The following PCLO variants were observed in gnomAD, a reference collection of about 807,000 sequenced individuals.
The protein encoded by PCLO is protein piccolo.
PCLO carries 82 observed loss-of-function variants against 427.5 expected under a neutral mutation model. The ratio of observed to expected loss-of-function variants is 0.19; its 90% CI spans 0.16 to 0.23. PCLO has a LOEUF of 0.23. PCLO is among the 10% of genes least tolerant of loss of function. PCLO has a pLI of 1.00. For synonymous variants in PCLO, 2,357 were observed against 2,155.4 expected (o/e 1.09, Z -2.59); for missense variants, 6,239 against 6,115.9 (o/e 1.02, Z -0.67).
chr7:82,948,307 G>A (rs1236463240), intron 6 of PCLO, among the ~76,000 whole-genome samples: 1 of 143,932 alleles, frequency 6.9e-6, no homozygotes, highest in Admixed American at 7.0e-5. Context: ...AAAAAAAAAC[G>A]TAATAACGCA....
At chr7:82,827,407 A>T (rs997154786) in intron 17 of PCLO, among the ~76,000 whole-genome samples, 2 of 152,090 alleles carry the variant, frequency 1.3e-5, no homozygotes, top group African/African-American at 4.8e-5. Flanking sequence ...TTAGCACCAC[A>T]ATGCCAGATT....
intron 6 of PCLO, among the ~76,000 whole-genome samples, chr7:82,932,793 C>A (rs906968281): frequency 3.3e-5 from 5 of 151,946 alleles, no homozygotes; most frequent in Admixed American, 3.3e-4. Flanking sequence ...CAAATATATT[C>A]TTGGAGAGAA....
At chr7:82,938,123 G>A (rs1794999179) in intron 6 of PCLO, among the ~76,000 whole-genome samples, 1 of 151,830 alleles carries the variant, frequency 6.6e-6, no homozygotes, top group Non-Finnish European at 1.5e-5. Flanking sequence ...AAATGCAAGA[G>A]CCATTCTCTT....
chr7:83,051,942 G>T lies in PCLO; in HGVS notation c.3300+82308C>A, dbSNP rs145650162. Among the ~76,000 whole-genome samples the T allele has an allele frequency of 1.6e-3, 236 of 151,886 alleles. 1 individual carries two copies. The East Asian group carries it at 0.018, about 11-fold the overall frequency. On this transcript the variant is annotated intron_variant, in intron 3 of 24. Transcript: ENST00000333891. Reference sequence around the variant, plus strand: ...AACGGCAATTCAATGGAGAAAGGATGTTTTTTTTAACAAATGGTGCTAGAA... The same window carrying T: ...AACGGCAATTCAATGGAGAAAGGATTTTTTTTTTAACAAATGGTGCTAGAA...
intron 3 of PCLO, among the ~76,000 whole-genome samples, chr7:83,042,539 T>G (rs1029778128): frequency 6.6e-6 from 1 of 152,056 alleles, no homozygotes; most frequent in Non-Finnish European, 1.5e-5. Context: ...GGAAATTAGA[T>G]GAGGGTAGGG....
rs565955020 is a variant in PCLO at position 82,928,664 on chromosome 7, C to T, written c.11113-11791G>A. On this transcript the variant is annotated intron_variant, in intron 6 of 24. Transcript: ENST00000333891. ...TGCTGGGATTGCAGGCATGAGCCAC[C>T]GCGCCTGGCCTGAAAGAGAAATATT... is the stretch of plus-strand genomic sequence containing the variant. Among the ~76,000 whole-genome samples the T allele has an allele frequency of 1.6e-4, 24 of 152,216 alleles. No homozygotes were observed. The South Asian group carries it at 4.6e-3, about 29-fold the overall frequency.
chr7:82,933,207 T>C (rs1270680644), intron 6 of PCLO, among the ~76,000 whole-genome samples: 22 of 151,992 alleles, frequency 1.4e-4, no homozygotes, highest in Admixed American at 1.4e-3. Context: ...AGTCTTTGAG[T>C]TGTTTCCAAG....
intron 3 of PCLO, among the ~76,000 whole-genome samples, chr7:83,132,686 AT>A (rs1266107342): frequency 2.0e-5 from 3 of 152,092 alleles, no homozygotes; most frequent in Admixed American, 6.6e-5. Context: ...CTACACACCC[AT>A]TTTTAAGTGT....
rs745824155 is a variant in PCLO, at chr7:83,093,472, G to GTGTGTGTGTGTATATATATATATATATA, written c.3300+40777_3300+40778insTATATATATATATATATACACACACACA. On this transcript the variant is annotated intron_variant, in intron 3 of 24. Transcript: ENST00000333891. The stretch of plus-strand genomic sequence containing the variant: ...ACCACAAACATATATATGTGTGTGT[G>GTGTGTGTGTGTATATATATATATATATA]TATAGATATATATATATATATTTTT... Among the ~76,000 whole-genome samples the GTGTGTGTGTGTATATATATATATATATA allele has an allele frequency of 1.9e-3, 191 of 99,104 alleles. 14 individuals carry two copies. The highest frequency in any genetic ancestry group is 5.3e-3 in the Middle Eastern group (1 of 190). 65.0% of individuals were successfully genotyped at this position (99,104 alleles called of 152,430 possible).
intron 9 of PCLO, among the ~76,000 whole-genome samples, chr7:82,898,202 T>C (rs1009408389): frequency 5.9e-5 from 9 of 151,410 alleles, no homozygotes; most frequent in East Asian, 1.9e-4. Context: ...AAAAACTCTA[T>C]TGTATATTCA....
At position 82,916,507 on chromosome 7, in the gene PCLO, C is replaced by T. The variant is rs1288217730; in HGVS notation, c.11479G>A (p.Val3827Ile). The change falls in exon 7 of 25, where the codon GTA (valine) becomes ATA (isoleucine). Residue 3827 changes from valine to isoleucine, a missense_variant. Transcript: ENST00000333891. ...GACATGTAATCACGATCCTCAGCTA[C>T]TCCCTGGAGGTAGGCTCGTTCTCTC... ...EKRERAYLQG[V>I]AEDRDYMSDS... The T allele has an allele frequency of 1.2e-6, 2 of 1,613,718 alleles. No homozygotes were observed. Among genetic ancestry groups the T allele is most frequent in the Middle Eastern group, 1.7e-4 (1 of 6,054 alleles).
At chr7:82,998,391 A>AAACAACAAC (rs79603092) in intron 3 of PCLO, among the ~76,000 whole-genome samples, 2,301 of 149,262 alleles carry the variant, frequency 0.015, 27 homozygotes, top group East Asian at 0.039. Context: ...TGTCCTTTAA[A>AAACAACAAC]AACAACAACA....
Position 83,162,394 on chromosome 7 carries a change from G to A in PCLO, c.199C>T (p.Pro67Ser), listed in dbSNP as rs1792464811. ...GCGGCCGGGGGGACGCTTCCCTTGG[G>A]CAGCCCCTGCGCCCTTGACATGACA... ...AAVMSRAQGL[P>S]KGSVPPAAAE... The change falls in exon 1 of 25, where the codon CCC becomes TCC. Residue 67 changes from proline to serine, a missense_variant. Transcript: ENST00000333891. 11 of 1,598,876 alleles carry A rather than the reference G, an allele frequency of 6.9e-6. No homozygotes were observed. The highest frequency in any genetic ancestry group is 9.4e-6 in the Non-Finnish European group (11 of 1,172,654).
chr7:82,856,757 T>C (rs1304492219), intron 10 of PCLO, among the ~76,000 whole-genome samples: 1 of 152,188 alleles, frequency 6.6e-6, no homozygotes, highest in Non-Finnish European at 1.5e-5. Context: ...TCTAATAAAA[T>C]GATATTAACA....
At chr7:83,043,968 T>C in intron 3 of PCLO, among the ~76,000 whole-genome samples, 1 of 148,730 alleles carries the variant, frequency 6.7e-6, no homozygotes, top group East Asian at 2.0e-4. Context: ...ATCTCCATTG[T>C]ATTAGTTCAT....
intron 22 of PCLO, among the ~76,000 whole-genome samples, chr7:82,796,007 T>C (rs1016114895): frequency 6.6e-6 from 1 of 152,168 alleles, no homozygotes; most frequent in Non-Finnish European, 1.5e-5. Flanking sequence ...AAAACTACTA[T>C]TTCAGATATT....
At chr7:82,845,617 A>C in intron 12 of PCLO, 132 bp from the exon 13 acceptor site, 1 of 645,642 alleles carries the variant, frequency 1.5e-6, no homozygotes. Flanking sequence ...AAATGAAATT[A>C]ACTCTATTGT....
intron 3 of PCLO, among the ~76,000 whole-genome samples, chr7:83,000,868 A>T (rs1787806235): frequency 6.6e-6 from 1 of 152,086 alleles, no homozygotes; most frequent in Non-Finnish European, 1.5e-5. Flanking sequence ...TTAACTGATA[A>T]ATTTGTTCAA....
chr7:82,783,059 C>A (rs902474444), intron 22 of PCLO, among the ~76,000 whole-genome samples: 4 of 152,140 alleles, frequency 2.6e-5, no homozygotes, highest in Non-Finnish European at 5.9e-5. Context: ...AACTAGGCCT[C>A]AAAGGAGCCA....
Sources: allele counts gnomAD v4.1 joint callset (sites outside exome capture counted in the v4.1 genomes callset), GRCh38; gene constraint gnomAD v4.1.1; transcripts MANE v1.5; gene names NCBI Gene and HGNC (gene_info 2026-07-23, HGNC 2026-07-21).